MTREX: variants seen among roughly 807,000 people sequenced by gnomAD.
MTREX encodes the protein Mtr4 exosome RNA helicase.
MTREX carries 76 observed loss-of-function variants against 135.4 expected under a neutral mutation model. That is an observed-to-expected ratio of 0.56 (90% CI 0.47 to 0.68). The LOEUF is 0.68. Among genes scored for constraint, MTREX ranks in the 30% least tolerant of loss-of-function variants. MTREX has a pLI of 0.00. For missense variants in MTREX, 920 were observed against 1,262.1 expected, an observed-to-expected ratio of 0.73 and a Z score of 4.11; for synonymous variants, 404 against 401.6, an observed-to-expected ratio of 1.01 and a Z score of -0.07.
At chr5:55,333,409 A>G (rs190704830) in intron 5 of MTREX, among the ~76,000 whole-genome samples, 7 of 152,276 alleles carry the variant, frequency 4.6e-5, no homozygotes, top group Admixed American at 6.5e-5. Context: ...TCTTAGTTCA[A>G]TTATTTTTTT....
chr5:55,394,542 A>T (rs559992343), intron 19 of MTREX, among the ~76,000 whole-genome samples: 6 of 152,214 alleles, frequency 3.9e-5, no homozygotes, highest in Admixed American at 3.3e-4. Flanking sequence ...GGCGACCTAG[A>T]TCCCTTGCAT....
intron 5 of MTREX, among the ~76,000 whole-genome samples, chr5:55,337,296 TTTTA>T (rs760703872): frequency 3.3e-5 from 5 of 151,736 alleles, no homozygotes; most frequent in African/African-American, 7.3e-5. Context: ...AATTTTTATA[TTTTA>T]TTTATTTATT....
At chr5:55,342,519 CCTTA>C (rs1401797143) in intron 7 of MTREX, among the ~76,000 whole-genome samples, 2 of 152,102 alleles carry the variant, frequency 1.3e-5, no homozygotes, top group East Asian at 1.9e-4. Context: ...TACAAATGCC[CCTTA>C]CTTAGGCTGT....
chr5:55,309,316 A>G (rs909924299), intron 1 of MTREX, among the ~76,000 whole-genome samples: 1 of 152,216 alleles, frequency 6.6e-6, no homozygotes, highest in Non-Finnish European at 1.5e-5. Context: ...GAACAAGGTG[A>G]TTGGATAAGT....
At chr5:55,345,801 G>A (rs1442196356) in intron 10 of MTREX, among the ~76,000 whole-genome samples, 3 of 151,642 alleles carry the variant, frequency 2.0e-5, no homozygotes, top group Admixed American at 2.0e-4. Flanking sequence ...CCAAGTAGCT[G>A]GGATTATAGG....
chr5:55,339,629 GGAAACAC>G (rs1749610788), intron 5 of MTREX, among the ~76,000 whole-genome samples: 1 of 152,122 alleles, frequency 6.6e-6, no homozygotes, highest in Non-Finnish European at 1.5e-5. Flanking sequence ...AACTTGAGGA[GGAAACAC>G]TTCATTTTCC....
Position 55,392,528 on chromosome 5 carries a change from G to A in MTREX, c.2181+4426G>A, listed in dbSNP as rs1426629526. Among the ~76,000 whole-genome samples, 15 of 129,662 alleles carry A rather than the reference G, an allele frequency of 1.2e-4. No homozygotes were observed. In the South Asian group the frequency reaches 3.8e-3, roughly 33 times the overall value. 85.1% of individuals were successfully genotyped at this position (129,662 alleles called of 152,430 possible). A position where few individuals can be genotyped will look rare whatever the true frequency, so the allele number is the denominator to read the frequency against. On this transcript the variant is annotated intron_variant, in intron 19 of 26. Coordinates refer to ENST00000230640, the MANE Select transcript of MTREX (RefSeq NM_015360.5). ...ACTTCACTTCAGCCTGGGTGACAGA[G>A]AAGGGCTCTGTCTAAAAAAAAAAAA... is the stretch of plus-strand genomic sequence containing the variant.
intron 10 of MTREX, 64 bp downstream of exon 10, chr5:55,345,260 AT>A: frequency 9.4e-7 from 1 of 1,064,152 alleles, no homozygotes; most frequent in Non-Finnish European, 1.4e-6. Flanking sequence ...TTACTCTGAT[AT>A]TTTTTGTCTT....
intron 15 of MTREX, among the ~76,000 whole-genome samples, chr5:55,359,574 A>G (rs1163899213): frequency 1.3e-5 from 2 of 152,192 alleles, no homozygotes; most frequent in East Asian, 3.8e-4. Context: ...GTGAAGACAA[A>G]GCTTGTCTGT....
intron 1 of MTREX, among the ~76,000 whole-genome samples, chr5:55,313,831 C>G (rs1749154297): frequency 6.6e-6 from 1 of 152,126 alleles, no homozygotes; most frequent in Non-Finnish European, 1.5e-5. Context: ...TGCTTTGTCT[C>G]TTTTCTTTTT....
chr5:55,325,339 GT>G (rs531584340), intron 3 of MTREX, among the ~76,000 whole-genome samples: 54 of 125,934 alleles, frequency 4.3e-4, no homozygotes, highest in Middle Eastern at 4.0e-3. Context: ...GTTTTTTTTT[GT>G]TTTTTTTTTT....
chr5:55,411,495 A>G (rs942824917), intron 23 of MTREX, among the ~76,000 whole-genome samples: 1 of 152,096 alleles, frequency 6.6e-6, no homozygotes, highest in Admixed American at 6.6e-5. Context: ...CCGTATATGC[A>G]GTTAAGATGT....
At chr5:55,327,274 T>C (rs1355736308) in intron 3 of MTREX, among the ~76,000 whole-genome samples, 1 of 152,216 alleles carries the variant, frequency 6.6e-6, no homozygotes, top group African/African-American at 2.4e-5. Flanking sequence ...ATCGCCACAC[T>C]GCACAAAGAC....
chr5:55,326,062 G>A (rs1296250313), intron 3 of MTREX, among the ~76,000 whole-genome samples: 1 of 152,116 alleles, frequency 6.6e-6, no homozygotes, highest in African/African-American at 2.4e-5. Flanking sequence ...TTCAAGATAT[G>A]TTAGACCCTA....
At chr5:55,386,373 A>C (rs746303044) in intron 18 of MTREX, among the ~76,000 whole-genome samples, 10 of 152,184 alleles carry the variant, frequency 6.6e-5, no homozygotes, top group Non-Finnish European at 1.5e-4. Flanking sequence ...AATCTAAATT[A>C]AGATAATAGA....
intron 1 of MTREX, among the ~76,000 whole-genome samples, chr5:55,320,821 T>A (rs1320298520): frequency 3.3e-5 from 5 of 152,180 alleles, no homozygotes; most frequent in African/African-American, 1.2e-4. Context: ...TGTTACGGGA[T>A]CAGAGGGGCA....
At chr5:55,412,808 T>C (rs1041514636) in intron 23 of MTREX, among the ~76,000 whole-genome samples, 3 of 152,162 alleles carry the variant, frequency 2.0e-5, no homozygotes, top group Non-Finnish European at 4.4e-5. Context: ...ATAGACATAA[T>C]ATCAAAGACA....
intron 19 of MTREX, among the ~76,000 whole-genome samples, chr5:55,394,403 A>T (rs895717404): frequency 6.6e-6 from 1 of 152,240 alleles, no homozygotes; most frequent in Non-Finnish European, 1.5e-5. Flanking sequence ...AGCAGTCCCC[A>T]GTCTTTTTGG....
intron 22 of MTREX, among the ~76,000 whole-genome samples, chr5:55,410,137 G>A (rs230775): frequency 0.86 from 130,834 of 152,172 alleles, 56,636 homozygotes; most frequent in South Asian, 0.92. Flanking sequence ...AAGATTTCTA[G>A]TAAAATTGTT....
Sources: allele counts gnomAD v4.1 joint callset (sites outside exome capture counted in the v4.1 genomes callset), GRCh38; gene constraint gnomAD v4.1.1; transcripts MANE v1.5; gene names NCBI Gene and HGNC (gene_info 2026-07-23, HGNC 2026-07-21).